Variants in AVEN observed in about 807,000 individuals in gnomAD.
The protein encoded by AVEN is apoptosis and caspase activation inhibitor.
A neutral mutation model predicts 38.1 loss-of-function variants in AVEN; 41 were observed. The ratio of observed to expected loss-of-function variants is 1.08; its 90% CI spans 0.84 to 1.40. The LOEUF (loss-of-function observed/expected upper bound fraction) is 1.40, where lower values mean the gene tolerates loss of function less well. AVEN is among the 40% of genes most tolerant of loss of function. The pLI, the probability that AVEN is intolerant of heterozygous loss-of-function variation, is 0.00. For missense variants in AVEN, 605 were observed against 438.8 expected (o/e 1.38, Z -3.38); for synonymous variants, 206 against 171.8 (o/e 1.20, Z -1.56).
chr15:33,871,460 C>T (rs183897157), intron 3 of AVEN, among the ~76,000 whole-genome samples: 39 of 152,078 alleles, frequency 2.6e-4, no homozygotes, highest in African/African-American at 8.4e-4. Context: ...CCCAGCTACT[C>T]GGGAGGCTGA....
chr15:34,011,407 AAATT>A (rs1409393166), intron 1 of AVEN, among the ~76,000 whole-genome samples: 4 of 152,220 alleles, frequency 2.6e-5, no homozygotes, highest in African/African-American at 7.2e-5. Flanking sequence ...ATATTTGAAA[AAATT>A]AATAAATGCA....
At chr15:33,911,695 C>A (rs371405064) in intron 2 of AVEN, among the ~76,000 whole-genome samples, 1 of 151,952 alleles carries the variant, frequency 6.6e-6, no homozygotes, top group Admixed American at 6.6e-5. Context: ...AACATAAAAG[C>A]ATATATTATT....
intron 2 of AVEN, among the ~76,000 whole-genome samples, chr15:33,954,768 G>A (rs549738488): frequency 2.6e-5 from 4 of 152,228 alleles, no homozygotes; most frequent in Middle Eastern, 3.4e-3. Context: ...AAATCTGTAC[G>A]TTGTGCACAT....
chr15:34,074,814 T>A (rs530896771), exon 1 of AVEN, among the ~76,000 whole-genome samples: 1 of 152,146 alleles, frequency 6.6e-6, no homozygotes, highest in African/African-American at 2.4e-5. Context: ...TCCATAATAA[T>A]AACCAAGCAA....
Position 34,073,989 on chromosome 15 carries a change from CTTTTTTT to C in AVEN, n.720+440_720+446del, listed in dbSNP as rs5811818. On this transcript the variant is annotated intron_variant and non_coding_transcript_variant, in intron 1 of 11. Transcript: ENST00000675287. ...AGGAACTTTCTTTTTTCTTCTTCTT[CTTTTTTT>C]TTTTTTTTTTTTTTTTTTTGAGACA... 1.4e-3 allele frequency among the ~76,000 whole-genome samples: 45 copies of C among 31,506 alleles called. 1 individual carries two copies. The highest frequency in any genetic ancestry group is 0.021 in the Middle Eastern group (1 of 48). The allele number at this position is 31,506 out of a possible 152,430, so 20.7% of individuals were successfully genotyped here.
chr15:33,875,976 G>A lies in AVEN; in HGVS notation c.465C>T (p.Phe155=). 2.5e-6 allele frequency: 4 copies of A among 1,612,916 alleles called. No individual in the cohort carries two copies. The highest frequency in any genetic ancestry group is 3.4e-6 in the Non-Finnish European group (4 of 1,179,826). The change falls in exon 3 of 6, where the codon TTC becomes TTT. Residue 155 remains phenylalanine (F), a synonymous_variant. Coordinates refer to ENST00000306730, the MANE Select transcript of AVEN (RefSeq NM_020371.3). The part of the protein sequence containing the change: ...LSSAGDSFSQ[F]RFAEEKEWDS... ...CCCATTCTTTCTCCTCAGCAAACCGGAACTGTGAGAATGAGTCCCCTAGGA... is the reference window on the plus strand; with the variant it reads ...CCCATTCTTTCTCCTCAGCAAACCGAAACTGTGAGAATGAGTCCCCTAGGA...
At chr15:33,962,919 C>CAAAAAAA (rs57807791) in intron 2 of AVEN, among the ~76,000 whole-genome samples, 2 of 81,924 alleles carry the variant, frequency 2.4e-5, no homozygotes, top group African/African-American at 1.1e-4. Flanking sequence ...AACTCGTTCT[C>CAAAAAAA]AAAAAAAAAA....
intron 11 of AVEN, chr15:33,860,444 G>A: frequency 1.9e-6 from 1 of 536,708 alleles, no homozygotes; most frequent in African/African-American, 1.9e-5. Context: ...TAGCCAGGAT[G>A]TAACACAAAG....
At chr15:33,948,426 T>C (rs1384357057) in intron 2 of AVEN, among the ~76,000 whole-genome samples, 3 of 152,086 alleles carry the variant, frequency 2.0e-5, no homozygotes, top group African/African-American at 7.2e-5. Flanking sequence ...AAAATTTAAA[T>C]ATCTAAGTGT....
chr15:33,886,811 T>A (rs1449242563), intron 2 of AVEN, among the ~76,000 whole-genome samples: 1 of 152,186 alleles, frequency 6.6e-6, no homozygotes, highest in Non-Finnish European at 1.5e-5. Context: ...CTAAATGAAG[T>A]ACAGAGTCCA....
At chr15:34,020,600 T>C (rs993810635) in intron 1 of AVEN, among the ~76,000 whole-genome samples, 1 of 152,224 alleles carries the variant, frequency 6.6e-6, no homozygotes, top group African/African-American at 2.4e-5. Context: ...CTCACTGCAC[T>C]TTCATTAGTA....
At chr15:34,004,363 A>C (rs1224028744) in intron 1 of AVEN, among the ~76,000 whole-genome samples, 2 of 152,218 alleles carry the variant, frequency 1.3e-5, no homozygotes, top group Non-Finnish European at 2.9e-5. Context: ...TTCTTCAATA[A>C]ATAAACTGAA....
chr15:33,947,685 T>A (rs1012010507), intron 2 of AVEN, among the ~76,000 whole-genome samples: 12 of 152,162 alleles, frequency 7.9e-5, no homozygotes, highest in Non-Finnish European at 1.5e-4. Context: ...AGTTTTACTA[T>A]TTTTTTATAT....
chr15:34,014,389 AAC>A (rs367660501), intron 1 of AVEN, among the ~76,000 whole-genome samples: 52,568 of 90,622 alleles, frequency 0.58, 19,323 homozygotes, highest in Non-Finnish European at 0.75. Context: ...AAAAAACAAA[AAC>A]AAAAACCACG....
At chr15:33,933,516 CACACACACAGAGAGAGAGAGAG>C (rs1257025749) in intron 2 of AVEN, among the ~76,000 whole-genome samples, 9 of 120,042 alleles carry the variant, frequency 7.5e-5, no homozygotes, top group African/African-American at 2.0e-4. Flanking sequence ...CACACACACA[CACACACACAGAGAGAGAGAGAG>C]AGAGAGAGAG....
At chr15:33,897,781 C>T (rs1019847619) in intron 2 of AVEN, among the ~76,000 whole-genome samples, 1 of 152,108 alleles carries the variant, frequency 6.6e-6, no homozygotes, top group Non-Finnish European at 1.5e-5. Context: ...ACTTGAGAGG[C>T]TGAGGTAGGA....
intron 2 of AVEN, among the ~76,000 whole-genome samples, chr15:33,978,683 T>A (rs181705362): frequency 6.6e-6 from 1 of 151,532 alleles, no homozygotes; most frequent in Non-Finnish European, 1.5e-5. Flanking sequence ...AATAAATAAA[T>A]AAAAATAAAA....
upstream of AVEN, among the ~76,000 whole-genome samples, chr15:34,040,125 C>T (rs909601858): frequency 6.6e-6 from 1 of 152,078 alleles, no homozygotes; most frequent in Non-Finnish European, 1.5e-5. Flanking sequence ...TAATTGCCTA[C>T]TCTGCATCAG....
chr15:34,034,330 A>T (rs1899012477), intron 1 of AVEN, among the ~76,000 whole-genome samples: 1 of 151,838 alleles, frequency 6.6e-6, no homozygotes. Context: ...ACTCCCACCT[A>T]CTCAGGAGGC....
Sources: gnomAD v4.1 joint callset for allele counts (sites outside exome capture counted in the v4.1 genomes callset) on GRCh38, gnomAD v4.1.1 for gene constraint, MANE v1.5 for transcripts, NCBI Gene and HGNC (gene_info 2026-07-23, HGNC 2026-07-21) for gene names.